GFOD2: variants seen among roughly 807,000 people sequenced by gnomAD.
GFOD2 encodes the protein Gfo/Idh/MocA-like oxidoreductase domain containing 2, also known as glucose-fructose oxidoreductase domain-containing protein 2.
A neutral mutation model predicts 24.6 loss-of-function variants in GFOD2; 9 were observed. The observed-to-expected ratio is 0.37, with a 90% CI of 0.22 to 0.64. The LOEUF (loss-of-function observed/expected upper bound fraction) is 0.64, where lower values mean the gene tolerates loss of function less well. GFOD2 is among the 30% of genes least tolerant of loss of function. GFOD2 has a pLI of 0.65. For synonymous variants in GFOD2, 211 were observed against 224.8 expected (o/e 0.94, Z 0.55); for missense variants, 476 against 532.5 (o/e 0.89, Z 1.04).
intron 1 of GFOD2, among the ~76,000 whole-genome samples, chr16:67,699,570 G>A (rs564354330): frequency 2.6e-5 from 4 of 151,874 alleles, no homozygotes; most frequent in Non-Finnish European, 4.4e-5. Context: ...TGCAACCTCC[G>A]CCTCCTGGGT....
chr16:67,704,056 G>A (rs766653395), intron 1 of GFOD2, among the ~76,000 whole-genome samples: 3 of 152,184 alleles, frequency 2.0e-5, no homozygotes, highest in Admixed American at 6.5e-5. Flanking sequence ...ATATTCCGTC[G>A]TGTGTAGATA....
At chr16:67,697,822 G>T (rs923789882) in intron 1 of GFOD2, among the ~76,000 whole-genome samples, 3 of 152,150 alleles carry the variant, frequency 2.0e-5, no homozygotes, top group Non-Finnish European at 4.4e-5. Context: ...CTTTTCTGAG[G>T]AGCTAACGAG....
chr16:67,675,870 C>T lies in GFOD2; in HGVS notation c.443G>A (p.Cys148Tyr), dbSNP rs761364958. The T allele has an allele frequency of 1.2e-6, 2 of 1,614,178 alleles. No homozygotes were observed. Among genetic ancestry groups the T allele is most frequent in the South Asian group, 2.2e-5 (2 of 91,090 alleles). The change falls in exon 3 of 3, where the codon TGT becomes TAT. Residue 148 changes from cysteine to tyrosine, a missense_variant. Physicochemically the swap from Cys to Tyr is radical, Grantham distance 194. Transcript: ENST00000268797. ...SEHYVGAVMI[C>Y]DARIYSGSLL... is the part of the protein sequence containing the mutation. ...GCTGCCTGAGTAGATGCGGGCATCA[C>T]AGATCATCACCGCTCCCACATAGTG... is the stretch of plus-strand genomic sequence containing the variant.
chr16:67,687,808 TAA>T (rs11302700), intron 1 of GFOD2, among the ~76,000 whole-genome samples: 232 of 121,444 alleles, frequency 1.9e-3, no homozygotes, highest in South Asian at 4.5e-3. Context: ...CCATCTTTAC[TAA>T]AAAAAAAAAA....
intron 2 of GFOD2, chr16:67,676,434 ATC>A (rs1177641236): frequency 9.2e-6 from 2 of 217,584 alleles, no homozygotes; most frequent in Non-Finnish European, 1.8e-5. Context: ...CTTCAAATAA[ATC>A]TCTGTCTTAA....
In GFOD2 at chr16:67,675,709, T is replaced by A; in HGVS notation, c.604A>T (p.Lys202Ter). 1.2e-6 allele frequency: 2 copies of A among 1,614,060 alleles called. No individual in the cohort carries two copies. Among genetic ancestry groups the A allele is most frequent in the Non-Finnish European group, 1.7e-6 (2 of 1,180,040 alleles). Residue 202 changes from lysine to a stop codon, truncating the protein, a stop_gained, in exon 3 of 3, where the codon AAG (lysine) becomes TAG (stop). Transcript: ENST00000268797. LOFTEE classifies it high-confidence loss of function. ...RRAEKVHGLLKTFVRQNAAIR... is the reference protein window; with the variant it reads ...RRAEKVHGLL Reference sequence around the variant, plus strand: ...GCAGCGTTCTGCCTCACGAATGTCTTGAGCAGCCCGTGCACCTTCTCGGCT... The same window carrying A: ...GCAGCGTTCTGCCTCACGAATGTCTAGAGCAGCCCGTGCACCTTCTCGGCT...
chr16:67,709,750 GACCA>G (rs2053460630), intron 1 of GFOD2, among the ~76,000 whole-genome samples: 1 of 151,890 alleles, frequency 6.6e-6, no homozygotes, highest in Non-Finnish European at 1.5e-5. Flanking sequence ...GAGTAGCTAG[GACCA>G]CAGGCACATG....
chr16:67,708,630 T>C (rs2053453691), intron 1 of GFOD2, among the ~76,000 whole-genome samples: 1 of 152,218 alleles, frequency 6.6e-6, no homozygotes. Flanking sequence ...CAGTTGTAGC[T>C]ATACAGGTTG....
At chr16:67,682,317 T>A (rs2053232747) in intron 2 of GFOD2, 1 of 982,496 alleles carries the variant, frequency 1.0e-6, no homozygotes, top group Admixed American at 6.2e-5. Context: ...ATTACATGCA[T>A]GAGCCACCAA....
chr16:67,706,523 CCT>C (rs2053440533), intron 1 of GFOD2, among the ~76,000 whole-genome samples: 2 of 151,706 alleles, frequency 1.3e-5, no homozygotes, highest in Non-Finnish European at 2.9e-5. Flanking sequence ...AACCTTAACC[CCT>C]CTCTCTCACT....
At chr16:67,716,115 T>C (rs2053504382) in intron 1 of GFOD2, among the ~76,000 whole-genome samples, 1 of 152,268 alleles carries the variant, frequency 6.6e-6, no homozygotes, top group Non-Finnish European at 1.5e-5. Flanking sequence ...CTGTGTTTTC[T>C]GAACACCGAC....
rs2053176001 is a variant in GFOD2, at chr16:67,675,366, T to C, written c.947A>G (p.Gln316Arg). The stretch of plus-strand genomic sequence containing the variant: ...GCGGTCGCCCTGCCCCTGGAAGGAC[T>C]GGCGCAAGGCCTGCACCATGTAGAC... ...GMVYMVQALR[Q>R]SFQGQGDRRT... Residue 316 changes from glutamine (Q) to arginine (R), a missense_variant, in exon 3 of 3, where the codon CAG (glutamine) becomes CGG (arginine). Physicochemically the swap from Gln to Arg is conservative, Grantham distance 43 (BLOSUM62 1). Transcript: ENST00000268797. 2 of 1,613,336 alleles carry C rather than the reference T, an allele frequency of 1.2e-6. No individual in the cohort carries two copies. Among genetic ancestry groups the C allele is most frequent in the South Asian group, 2.2e-5 (2 of 91,082 alleles).
intron 1 of GFOD2, among the ~76,000 whole-genome samples, chr16:67,710,652 G>A (rs1344400573): frequency 1.3e-5 from 2 of 152,158 alleles, no homozygotes; most frequent in African/African-American, 4.8e-5. Context: ...ATAAGCCACC[G>A]CGCCCGGCCA....
intron 1 of GFOD2, among the ~76,000 whole-genome samples, chr16:67,715,544 T>C (rs2053500691): frequency 6.6e-6 from 1 of 152,054 alleles, no homozygotes; most frequent in South Asian, 2.1e-4. Context: ...ATTCTAACTT[T>C]CATGAACCCA....
chr16:67,676,195 G>T (rs1237755602), intron 2 of GFOD2, 142 bp from the exon 3 acceptor site: 2 of 768,780 alleles, frequency 2.6e-6, no homozygotes, highest in Non-Finnish European at 4.1e-6. Context: ...GTGGGGTCTT[G>T]CTATGCTGCC....
intron 1 of GFOD2, among the ~76,000 whole-genome samples, chr16:67,714,407 A>G (rs2053494560): frequency 6.6e-6 from 1 of 150,564 alleles, no homozygotes; most frequent in Admixed American, 6.7e-5. Context: ...TGAACCCAGA[A>G]GTGGACATTG....
At chr16:67,685,152 G>A (rs2053256258) in intron 2 of GFOD2, 2 of 1,376,060 alleles carry the variant, frequency 1.5e-6, no homozygotes, top group African/African-American at 2.9e-5. Context: ...CCAGGGCTCT[G>A]ACCTCTAACT....
Position 67,675,353 on chromosome 16 carries a change from C to T in GFOD2, c.960G>A (p.Gly320=). The T allele has an allele frequency of 6.2e-7, 1 of 1,613,198 alleles. No individual in the cohort carries two copies. The highest frequency in any genetic ancestry group is 8.5e-7 in the Non-Finnish European group (1 of 1,179,970). The change falls in exon 3 of 3, where the codon GGG becomes GGA. Residue 320 remains glycine, a synonymous_variant. Transcript: ENST00000268797. ...MVQALRQSFQ[G]QGDRRTWDRT... is the part of the protein sequence containing the mutation. ...GGTCCCAGGTGCGGCGGTCGCCCTG[C>T]CCCTGGAAGGACTGGCGCAAGGCCT...
intron 1 of GFOD2, among the ~76,000 whole-genome samples, chr16:67,688,140 A>G (rs954120518): frequency 6.6e-6 from 1 of 152,208 alleles, no homozygotes; most frequent in African/African-American, 2.4e-5. Context: ...CAATAACCTG[A>G]AAGACATTCA....
Sources: allele counts gnomAD v4.1 joint callset (sites outside exome capture counted in the v4.1 genomes callset), GRCh38; gene constraint gnomAD v4.1.1; transcripts MANE v1.5; gene names NCBI Gene and HGNC (gene_info 2026-07-23, HGNC 2026-07-21).